VWDE: variants seen among roughly 807,000 people sequenced by gnomAD.
VWDE encodes von Willebrand factor D and EGF domains.
Under a neutral mutation model 178.4 loss-of-function variants are expected in VWDE, and 207 were observed. The ratio of observed to expected loss-of-function variants is 1.16; its 90% CI spans 1.04 to 1.30. The LOEUF is 1.30. Ranked by LOEUF, VWDE falls within the 50% of genes most tolerant of loss-of-function variation. The pLI is 0.00. For missense variants in VWDE, 2,287 were observed against 1,901.3 expected (o/e 1.20, Z -3.77); for synonymous variants, 738 against 651.4 (o/e 1.13, Z -2.02).
intron 27 of VWDE, 92 bp downstream of exon 27, chr7:12,336,049 C>A: frequency 9.2e-7 from 1 of 1,090,228 alleles, no homozygotes; most frequent in Non-Finnish European, 1.3e-6. Context: ...GAGTTTTTTC[C>A]CCCTTATGGA....
chr7:12,370,114 T>C lies in VWDE; in HGVS notation c.2192A>G (p.Tyr731Cys), dbSNP rs1242067883. 2 of 1,551,600 alleles carry C rather than the reference T, an allele frequency of 1.3e-6. No individual in the cohort carries two copies. The highest frequency in any genetic ancestry group is 3.9e-5 in the Admixed American group (2 of 50,986). The change falls in exon 12 of 29, where the codon TAT becomes TGT. Residue 731 changes from tyrosine to cysteine, a missense_variant. Transcript: ENST00000275358. ...GCTGTGGCTTCCCCGGCCTTGTGTA[T>C]ATTTCTTATTGGCCAAATATTGTAG... is the stretch of plus-strand genomic sequence containing the variant. ...DSLQYLANKK[Y>C]TQGRGSHSQE...
chr7:12,389,069 G>C, intron 3 of VWDE, 58 bp downstream of exon 3: 2 of 1,143,180 alleles, frequency 1.7e-6, no homozygotes, highest in Non-Finnish European at 2.6e-6. Context: ...TCCAGAGAAT[G>C]GTACGAATGG....
chr7:12,372,947 A>T, intron 10 of VWDE, 30 bp downstream of exon 10: 2 of 1,532,934 alleles, frequency 1.3e-6, no homozygotes, highest in Non-Finnish European at 1.8e-6. Flanking sequence ...AAAAGGAAAA[A>T]TACTTTCAAT....
intron 5 of VWDE, 108 bp downstream of exon 5, chr7:12,380,378 G>A: frequency 2.2e-6 from 3 of 1,387,464 alleles, no homozygotes; most frequent in Admixed American, 2.8e-5. Context: ...AAAATATTAG[G>A]GCTTTATACT....
rs1183214714 is a variant in VWDE at position 12,377,924 on chromosome 7, G to A, written c.880-4C>T. The A allele has an allele frequency of 3.6e-6, 5 of 1,377,882 alleles. No homozygotes were observed. The highest frequency in any genetic ancestry group is 4.7e-6 in the Non-Finnish European group (5 of 1,061,368). The allele number at this position is 1,377,882 out of a possible 1,614,324, so 85.4% of individuals were successfully genotyped here. A position where few individuals can be genotyped will look rare whatever the true frequency, so the allele number is the denominator to read the frequency against. ...TAGTGCTCAATTCAGGCTGTAGCTG[G>A]TATAAGAAAATACGTAGAAAAATTA... On this transcript the variant is annotated splice_polypyrimidine_tract_variant and splice_region_variant and intron_variant, in intron 6 of 28. Transcript: ENST00000275358.
intron 1 of VWDE, among the ~76,000 whole-genome samples, chr7:12,400,834 G>A (rs1258590020): frequency 6.6e-6 from 1 of 151,956 alleles, no homozygotes; most frequent in African/African-American, 2.4e-5. Context: ...CAGAATCCAG[G>A]AACATAAAGC....
intron 21 of VWDE, among the ~76,000 whole-genome samples, chr7:12,343,981 G>GC (rs986245182): frequency 2.0e-5 from 3 of 151,776 alleles, no homozygotes; most frequent in African/African-American, 7.3e-5. Context: ...ATAAGCTATT[G>GC]CCCCTTGAAT....
chr7:12,392,944 C>A (rs750725973), intron 2 of VWDE, among the ~76,000 whole-genome samples: 17 of 151,928 alleles, frequency 1.1e-4, no homozygotes, highest in Non-Finnish European at 2.2e-4. Flanking sequence ...GCTGGCTGCA[C>A]AAATTTGGGG....
rs1783718329 is a variant in VWDE at position 12,379,488 on chromosome 7, C to CA, written c.867dup (p.Ala290CysfsTer4). 6.5e-7 allele frequency: 1 copy of CA among 1,548,578 alleles called. No homozygotes were observed. Among genetic ancestry groups the CA allele is most frequent in the East Asian group, 2.5e-5 (1 of 40,816 alleles). On this transcript the variant is annotated frameshift_variant, in exon 6 of 29. Transcript: ENST00000275358. LOFTEE classifies it high-confidence loss of function. ...CCACTGCTGCGTACCTTAAAGCCTG[C>CA]AAAAAATTCTTGGCTTTCGATGGCT...
At chr7:12,342,665 T>G (rs1245561105) in intron 22 of VWDE, among the ~76,000 whole-genome samples, 3 of 151,268 alleles carry the variant, frequency 2.0e-5, no homozygotes, top group Non-Finnish European at 4.4e-5. Context: ...TTATTTTCCA[T>G]TTTCTATTAT....
intron 24 of VWDE, among the ~76,000 whole-genome samples, chr7:12,338,136 AT>A (rs1311105461): frequency 2.0e-5 from 3 of 152,010 alleles, no homozygotes; most frequent in Admixed American, 2.0e-4. Flanking sequence ...TGCTTTCTTT[AT>A]TTCCAAACAC....
chr7:12,334,138 C>T (rs1562455585), intron 27 of VWDE, among the ~76,000 whole-genome samples: 1 of 152,054 alleles, frequency 6.6e-6, no homozygotes. Flanking sequence ...ATATCTCAAT[C>T]TATTTATCAT....
chr7:12,336,091 A>G, intron 27 of VWDE, 50 bp downstream of exon 27: 1 of 1,454,590 alleles, frequency 6.9e-7, no homozygotes, highest in Admixed American at 2.1e-5. Context: ...AATTATTATA[A>G]CAGATTCCAA....
intron 28 of VWDE, among the ~76,000 whole-genome samples, chr7:12,332,982 TGA>T (rs1055325458): frequency 6.6e-6 from 1 of 151,844 alleles, no homozygotes; most frequent in Non-Finnish European, 1.5e-5. Flanking sequence ...TATGTTTGTA[TGA>T]GAGAGAGAGA....
chr7:12,383,489 G>A (rs1348608667), intron 4 of VWDE, 47 bp downstream of exon 4: 9 of 1,369,820 alleles, frequency 6.6e-6, no homozygotes, highest in Admixed American at 4.0e-5. Flanking sequence ...TGTTGAAATA[G>A]TCTAGTTTAT....
chr7:12,333,070 A>G (rs1251290870), intron 28 of VWDE, among the ~76,000 whole-genome samples: 1 of 152,186 alleles, frequency 6.6e-6, no homozygotes, highest in Non-Finnish European at 1.5e-5. Flanking sequence ...TTGGAAATTT[A>G]AGATTAGAGA....
At chr7:12,336,905 T>C (rs930056466) in intron 26 of VWDE, 83 bp downstream of exon 26, 1 of 1,319,200 alleles carries the variant, frequency 7.6e-7, no homozygotes, top group Non-Finnish European at 1.0e-6. Context: ...CAAACAAAAG[T>C]GAAAAAAATG....
At chr7:12,383,356 C>G (rs7784253) in intron 4 of VWDE, among the ~76,000 whole-genome samples, 180 bp downstream of exon 4, 79,497 of 151,824 alleles carry the variant, frequency 0.52, 21,295 homozygotes, top group South Asian at 0.63. Flanking sequence ...CTGTACCTCA[C>G]CCAACTCGAG....
intron 10 of VWDE, among the ~76,000 whole-genome samples, chr7:12,371,747 C>T (rs961372170): frequency 6.6e-6 from 1 of 152,004 alleles, no homozygotes; most frequent in African/African-American, 2.4e-5. Flanking sequence ...ATATCTTCGC[C>T]TGTCAATAAA....
Sources: allele counts gnomAD v4.1 joint callset (sites outside exome capture counted in the v4.1 genomes callset), GRCh38; gene constraint gnomAD v4.1.1; transcripts MANE v1.5; gene names NCBI Gene and HGNC (gene_info 2026-07-23, HGNC 2026-07-21).